PLIN4: variants seen among roughly 807,000 people sequenced by gnomAD.
PLIN4 encodes the protein perilipin-4.
In PLIN4, 57 loss-of-function variants were observed where a neutral mutation model predicts 52.4. That is an observed-to-expected ratio of 1.09 (90% confidence interval 0.88 to 1.36). The LOEUF is 1.36. Among genes scored for constraint, PLIN4 ranks in the 40% most tolerant of loss-of-function variants. PLIN4 has a pLI of 0.00. For missense variants in PLIN4, 1,757 were observed against 1,770.3 expected, an observed-to-expected ratio of 0.99 and a Z score of 0.13; for synonymous variants, 826 against 785.4, an observed-to-expected ratio of 1.05 and a Z score of -0.86.
chr19:4,513,865 C>CG (rs1976514493), intron 4 of PLIN4, among the ~76,000 whole-genome samples, 164 bp from the exon 5 acceptor site: 1 of 152,212 alleles, frequency 6.6e-6, no homozygotes, highest in African/African-American at 2.4e-5. Context: ...ACCCCGACCC[C>CG]GGTCAGCCAG....
rs1220856554 is a variant in PLIN4, at chr19:4,502,434, G to A, written c.*2025C>T. ...CCCAGGAGACAAGAGGGACAAACCA[G>A]GGCATCTAAGCTGTGCTGCCTGCGC... is the stretch of plus-strand genomic sequence containing the variant. On this transcript the variant is annotated 3_prime_UTR_variant, in exon 8 of 8. Transcript: ENST00000301286. 3.0e-6 allele frequency: 1 copy of A among 333,756 alleles called. No homozygotes were observed. Among genetic ancestry groups the A allele is most frequent in the Non-Finnish European group, 5.7e-6 (1 of 176,882 alleles). The allele number at this position is 333,756 out of a possible 1,614,324, so 20.7% of individuals were successfully genotyped here. A position where few individuals can be genotyped will look rare whatever the true frequency, so the allele number is the denominator to read the frequency against.
rs751393845 is a variant in PLIN4 at position 4,510,666 on chromosome 19, C to A, written c.3294G>T (p.Val1098=). 1 of 1,517,516 alleles carries A rather than the reference C, an allele frequency of 6.6e-7. No homozygotes were observed. The highest frequency in any genetic ancestry group is 8.8e-7 in the Non-Finnish European group (1 of 1,136,216). 94.0% of individuals were successfully genotyped at this position (1,517,516 alleles called of 1,614,324 possible). ...AGGCAGGCTCCGGGCCTACACTGAG[C>A]ACATCCGGGGGCGTGGAGATGCCAG... is the stretch of plus-strand genomic sequence containing the variant. The part of the protein sequence containing the change: ...PFSGISTPPD[V]LSVGPEPAWE... Residue 1098 remains valine, a synonymous_variant, in exon 5 of 8, where the codon GTG becomes GTT. Transcript: ENST00000301286.
At chr19:4,509,302 C>A (rs1976206403) in intron 5 of PLIN4, among the ~76,000 whole-genome samples, 1 of 2,902 alleles carries the variant, frequency 3.4e-4, no homozygotes, top group Non-Finnish European at 1.6e-3. Flanking sequence ...GAGTGCGAGA[C>A]TCCGTCTCAA....
chr19:4,510,806 A>C lies in PLIN4; in HGVS notation c.3154T>G (p.Phe1052Val). Residue 1052 changes from phenylalanine to valine, a missense_variant, in exon 5 of 8, where the codon TTC (phenylalanine) becomes GTC (valine). By Grantham distance (50) the Phe-to-Val change is conservative (BLOSUM62 -1). This residue lies in a region of PLIN4 where 712 missense variants were observed against 637.1 expected (regional missense o/e 1.12). Transcript: ENST00000301286. ...TGATHTGLST[F>V]QNWLPSTPAT... ...GGGGTACTAGGTAACCAGTTCTGGA[A>C]GGTGCTGAGGCCAGTGTGGGTGGCC... 1 of 1,605,830 alleles carries C rather than the reference A, an allele frequency of 6.2e-7. No individual in the cohort carries two copies. Among genetic ancestry groups the C allele is most frequent in the Non-Finnish European group, 8.5e-7 (1 of 1,174,426 alleles).
chr19:4,505,263 C>T (rs1455971399), intron 6 of PLIN4, among the ~76,000 whole-genome samples: 1 of 152,172 alleles, frequency 6.6e-6, no homozygotes, highest in Non-Finnish European at 1.5e-5. Context: ...GTGGGCTGGC[C>T]CCTGGGACAC....
intron 3 of PLIN4, 85 bp downstream of exon 3, chr19:4,517,469 G>A (rs550169873): frequency 2.0e-6 from 3 of 1,484,006 alleles, no homozygotes; most frequent in African/African-American, 2.8e-5. Context: ...CTCCCCAAAT[G>A]GCTGGAAGTC....
intron 6 of PLIN4, among the ~76,000 whole-genome samples, chr19:4,506,061 C>T (rs913527380): frequency 5.3e-5 from 8 of 152,142 alleles, no homozygotes; most frequent in African/African-American, 1.4e-4. Flanking sequence ...CCTGGGTTTA[C>T]GTCCCACTGT....
In PLIN4 at chr19:4,504,783, C is replaced by T. The variant is rs1976039596; in HGVS notation, c.3792G>A (p.Glu1264=). The change falls in exon 8 of 8, where the codon GAG becomes GAA. Residue 1264 remains glutamate, a splice_region_variant and synonymous_variant. Transcript: ENST00000301286. ...CCCTGGACAGAACCCCGGCATCCCG[C>T]TCCTGTGGGAGGAAGGCGCAAGGTG... is the stretch of plus-strand genomic sequence containing the variant. ...ASAEDAAVQE[E]RDAGVLSRVC... The T allele has an allele frequency of 6.2e-6, 10 of 1,600,128 alleles. No individual in the cohort carries two copies. The highest frequency in any genetic ancestry group is 8.5e-6 in the Non-Finnish European group (10 of 1,172,034).
chr19:4,518,197 A>C (rs1026107058), intron 2 of PLIN4, 25 bp downstream of exon 2: 3 of 1,232,654 alleles, frequency 2.4e-6, no homozygotes, highest in African/African-American at 3.1e-5. Flanking sequence ...CCCCAGCAAG[A>C]ATCTGCCCCA....
rs781495865 is a variant in PLIN4, at chr19:4,504,584, C to G, written c.3991G>C (p.Val1331Leu). The change falls in exon 8 of 8, where the codon GTG becomes CTG. Residue 1331 changes from valine (V) to leucine (L), a missense_variant. Physicochemically the swap from Val to Leu is conservative, Grantham distance 32. Coordinates refer to ENST00000301286, the MANE Select transcript of PLIN4 (RefSeq NM_001367868.2). Reference sequence around the variant, plus strand: ...TGGTGCACACCCTCGCGGCTCTGCACCAGCCGCTCTGCGGGCAGCTCCTCT... The same window carrying G: ...TGGTGCACACCCTCGCGGCTCTGCAGCAGCCGCTCTGCGGGCAGCTCCTCT... The part of the protein sequence containing the change: ...SVEELPAERL[V>L]QSREGVHQAW... The G allele has an allele frequency of 1.9e-6, 3 of 1,603,808 alleles. No homozygotes were observed. Among genetic ancestry groups the G allele is most frequent in the South Asian group, 2.2e-5 (2 of 90,018 alleles).
Position 4,504,441 on chromosome 19 carries a change from G to T in PLIN4, c.*18C>A, listed in dbSNP as rs749605096. The T allele has an allele frequency of 1.3e-6, 2 of 1,533,504 alleles. No individual in the cohort carries two copies. Among genetic ancestry groups the T allele is most frequent in the Non-Finnish European group, 1.8e-6 (2 of 1,140,468 alleles). 95.0% of individuals were successfully genotyped at this position (1,533,504 alleles called of 1,614,324 possible). A position where few individuals can be genotyped will look rare whatever the true frequency, so the allele number is the denominator to read the frequency against. ...ACAGAGCAGGGCGACCCCGCGCCGG[G>T]CCTGCAGGCTCCTACAGCTACTGCC... is the stretch of plus-strand genomic sequence containing the variant. On this transcript the variant is annotated 3_prime_UTR_variant, in exon 8 of 8. Transcript: ENST00000301286.
chr19:4,517,292 G>A (rs1976609672), intron 3 of PLIN4, among the ~76,000 whole-genome samples: 1 of 143,292 alleles, frequency 7.0e-6, no homozygotes, highest in Non-Finnish European at 1.5e-5. Flanking sequence ...GAAACGGAGT[G>A]CAGGGTGGGG....
rs752535465 is a variant in PLIN4, at chr19:4,504,933, C to A, written c.3717G>T (p.Gln1239His). The A allele has an allele frequency of 3.7e-6, 6 of 1,604,918 alleles. No homozygotes were observed. Among genetic ancestry groups the A allele is most frequent in the Non-Finnish European group, 5.1e-6 (6 of 1,176,850 alleles). ...QDCFRLIEKA[Q>H]QAPEGQPRLD... ...GACGTGGCTGCCCTTCTGGAGCCTGCTGGGCCTTTTCAATCTGGAGAGAGA... is the reference window on the plus strand; with the variant it reads ...GACGTGGCTGCCCTTCTGGAGCCTGATGGGCCTTTTCAATCTGGAGAGAGA... Residue 1239 changes from glutamine to histidine, a missense_variant, in exon 7 of 8, where the codon CAG (glutamine) becomes CAT (histidine). Transcript: ENST00000301286.
intron 4 of PLIN4, among the ~76,000 whole-genome samples, chr19:4,514,244 G>A (rs1976525793): frequency 1.3e-5 from 2 of 152,176 alleles, no homozygotes; most frequent in Admixed American, 1.3e-4. Context: ...TTGAGCCCAG[G>A]AGTTTAAGAT....
chr19:4,516,782 T>A, intron 3 of PLIN4, 104 bp from the exon 4 acceptor site: 8 of 1,173,106 alleles, frequency 6.8e-6, no homozygotes, highest in Non-Finnish European at 9.2e-6. Context: ...AGGTCAGGAA[T>A]GTTTCAGCTA....
Position 4,504,480 on chromosome 19 carries a change from G to A in PLIN4, c.4095C>T (p.Ala1365=). Residue 1365 remains alanine (A), a synonymous_variant, in exon 8 of 8, where the codon GCC becomes GCT. Transcript: ENST00000301286. The stretch of plus-strand genomic sequence containing the variant: ...ACAGCTACTGCCCGCCAGCGGGCAA[G>A]GCGAAGGGCCCTACCAGCCAGCTGA... ...PPLSWLVGPF[A]LPAGGQ is the part of the protein sequence containing the mutation. The A allele has an allele frequency of 1.3e-6, 2 of 1,587,078 alleles. No individual in the cohort carries two copies. The highest frequency in any genetic ancestry group is 1.7e-6 in the Non-Finnish European group (2 of 1,164,260).
chr19:4,508,090 C>G (rs1037336849), intron 6 of PLIN4, among the ~76,000 whole-genome samples: 1 of 152,196 alleles, frequency 6.6e-6, no homozygotes, highest in African/African-American at 2.4e-5. Context: ...CTTTCCATTC[C>G]CCGAACACAC....
intron 3 of PLIN4, 100 bp downstream of exon 3, chr19:4,517,454 G>C: frequency 7.1e-7 from 1 of 1,407,236 alleles, no homozygotes; most frequent in Non-Finnish European, 9.5e-7. Flanking sequence ...GACAAATATG[G>C]AGGACTCCCC....
rs569672810 is a variant in PLIN4, at chr19:4,511,778, C to A, written c.2182G>T (p.Gly728Cys). 23 of 1,604,302 alleles carry A rather than the reference C, an allele frequency of 1.4e-5. No individual in the cohort carries two copies. The Middle Eastern group carries it at 5.0e-4, about 35-fold the overall frequency. Residue 728 changes from glycine (G) to cysteine (C), a missense_variant, in exon 5 of 8, where the codon GGT (glycine) becomes TGT (cysteine). Around this residue, in one of 7 missense-constraint regions of PLIN4, gnomAD observed 96 missense variants for 136.5 expected, o/e 0.70. Transcript: ENST00000301286. Reference sequence around the variant, plus strand: ...CCACTGCAGACGGTGTCCTTGGTACCAGTTAGGACAGTCTTGGTGGTGTCC... The same window carrying A: ...CCACTGCAGACGGTGTCCTTGGTACAAGTTAGGACAGTCTTGGTGGTGTCC... ...SVDTTKTVLT[G>C]TKDTVCSGVT...
Sources: allele counts gnomAD v4.1 joint callset (sites outside exome capture counted in the v4.1 genomes callset), GRCh38; gene constraint gnomAD v4.1.1; regional missense constraint gnomAD v4.1.1; transcripts MANE v1.5; gene names NCBI Gene and HGNC (gene_info 2026-07-23, HGNC 2026-07-21).